Variants in AHCY observed in about 807,000 individuals in gnomAD.
AHCY encodes the protein S-adenosyl-L-homocysteine hydrolase.
Under a neutral mutation model 45.4 loss-of-function variants are expected in AHCY, and 24 were observed. The observed-to-expected ratio is 0.53, with a 90% CI of 0.38 to 0.74. The LOEUF (loss-of-function observed/expected upper bound fraction) is 0.74, where lower values mean the gene tolerates loss of function less well. AHCY is among the 30% of genes least tolerant of loss of function. The probability of loss-of-function intolerance (pLI) is 0.00; values close to 1 mark genes in which losing one functional copy is unlikely to be tolerated. For synonymous variants in AHCY, 245 were observed against 235.1 expected, an observed-to-expected ratio of 1.04 and a Z score of -0.39; for missense variants, 449 against 594.1, an observed-to-expected ratio of 0.76 and a Z score of 2.54.
chr20:34,308,201 A>G (rs2122850826), upstream of AHCY, among the ~76,000 whole-genome samples: 1 of 152,266 alleles, frequency 6.6e-6, no homozygotes, highest in Non-Finnish European at 1.5e-5. Flanking sequence ...GTCTACCATT[A>G]ATGGGAATTT....
the AHCY span, among the ~76,000 whole-genome samples, chr20:34,261,734 C>T: frequency 1.3e-5 from 2 of 150,890 alleles, no homozygotes; most frequent in East Asian, 3.9e-4. Flanking sequence ...CCCAGGAGGT[C>T]GACGCTGCAG....
the AHCY span, among the ~76,000 whole-genome samples, chr20:34,253,763 C>T: frequency 6.6e-6 from 1 of 151,968 alleles, no homozygotes; most frequent in East Asian, 1.9e-4. Context: ...GAGTGCCGGG[C>T]CCTTAAAACT....
intron 2 of AHCY, 153 bp downstream of exon 2, chr20:34,295,242 G>T: frequency 1.1e-6 from 1 of 936,308 alleles, no homozygotes; most frequent in Non-Finnish European, 1.7e-6. Context: ...GGCAGCACTG[G>T]GAAACGGAGG....
chr20:34,254,330 T>C, the AHCY span, among the ~76,000 whole-genome samples: 1 of 152,254 alleles, frequency 6.6e-6, no homozygotes. Flanking sequence ...CCCAAAGTGC[T>C]GGGATTATAG....
chr20:34,292,618 C>A, intron 3 of AHCY, 111 bp from the exon 4 acceptor site: 2 of 1,476,714 alleles, frequency 1.4e-6, no homozygotes, highest in East Asian at 2.3e-5. Context: ...TCCCCAGCCA[C>A]CTCCGGCCCC....
intron 8 of AHCY, among the ~76,000 whole-genome samples, chr20:34,288,780 T>C (rs528152873): frequency 6.6e-6 from 1 of 152,348 alleles, no homozygotes; most frequent in South Asian, 2.1e-4. Flanking sequence ...TTAAAGCTCT[T>C]GATATCCAAA....
At chr20:34,277,206 G>A (rs2035916211), downstream of AHCY, among the ~76,000 whole-genome samples, 1 of 152,102 alleles carries the variant, frequency 6.6e-6, no homozygotes. Flanking sequence ...ACACAGAGGT[G>A]GGCATGGGGC....
the AHCY span, among the ~76,000 whole-genome samples, chr20:34,248,765 C>T: frequency 6.6e-6 from 1 of 151,698 alleles, no homozygotes; most frequent in Admixed American, 6.6e-5. Flanking sequence ...TTGCCATTGC[C>T]TTCCAGCCTG....
chr20:34,282,136 T>C (rs907894932), intron 9 of AHCY, among the ~76,000 whole-genome samples: 2 of 150,674 alleles, frequency 1.3e-5, no homozygotes, highest in African/African-American at 2.4e-5. Context: ...TTCTAATGAA[T>C]AGAAGAAAGC....
At chr20:34,270,901 T>G in the AHCY span, among the ~76,000 whole-genome samples, 1 of 151,968 alleles carries the variant, frequency 6.6e-6, no homozygotes, top group African/African-American at 2.4e-5. Flanking sequence ...CAAGCAATCC[T>G]CCTGCCTCAA....
the AHCY span, among the ~76,000 whole-genome samples, chr20:34,265,763 A>G: frequency 6.6e-6 from 1 of 151,764 alleles, no homozygotes; most frequent in Non-Finnish European, 1.5e-5. Context: ...CAGTCTGACC[A>G]ACATGGTGAA....
chr20:34,285,930 C>A (rs1174620799), intron 8 of AHCY: 2 of 379,092 alleles, frequency 5.3e-6, no homozygotes, highest in East Asian at 1.2e-4. Context: ...GAAAGCCCGT[C>A]TCTACTAAAA....
chr20:34,250,677 A>G, the AHCY span, among the ~76,000 whole-genome samples: 1 of 152,092 alleles, frequency 6.6e-6, no homozygotes, highest in Non-Finnish European at 1.5e-5. Context: ...CATGCCTGTA[A>G]TCCCAGCTAC....
chr20:34,263,380 C>T, the AHCY span, among the ~76,000 whole-genome samples: 2 of 152,128 alleles, frequency 1.3e-5, no homozygotes, highest in African/African-American at 2.4e-5. Context: ...GCCTGGCCAA[C>T]ATGGTGAAAC....
chr20:34,279,134 G>T (rs1162425545), downstream of AHCY, among the ~76,000 whole-genome samples: 1 of 128,204 alleles, frequency 7.8e-6, no homozygotes, highest in African/African-American at 2.9e-5. Context: ...AAAAAAAAAG[G>T]CCAGGCACGG....
At chr20:34,232,204 T>G in the AHCY span, among the ~76,000 whole-genome samples, 3 of 152,200 alleles carry the variant, frequency 2.0e-5, no homozygotes, top group South Asian at 6.2e-4. Context: ...AGATATTACT[T>G]CACAGCTCAA....
At chr20:34,255,863 C>T in the AHCY span, among the ~76,000 whole-genome samples, 1 of 152,106 alleles carries the variant, frequency 6.6e-6, no homozygotes, top group African/African-American at 2.4e-5. Context: ...GGGAAGGCAC[C>T]GGTTACTTAG....
chr20:34,296,189 T>G (rs569183923), intron 1 of AHCY, among the ~76,000 whole-genome samples: 2 of 152,232 alleles, frequency 1.3e-5, no homozygotes, highest in Admixed American at 1.3e-4. Context: ...CCAGTAAAAC[T>G]GAGAGGAAAA....
chr20:34,287,822 A>AGGG (rs1183105886), intron 8 of AHCY, among the ~76,000 whole-genome samples: 1 of 152,186 alleles, frequency 6.6e-6, no homozygotes, highest in Non-Finnish European at 1.5e-5. Flanking sequence ...GGGAGTGGTC[A>AGGG]ATTATGGCCT....
Sources: gnomAD v4.1 joint callset for allele counts (sites outside exome capture counted in the v4.1 genomes callset) on GRCh38, gnomAD v4.1.1 for gene constraint, MANE v1.5 for transcripts, NCBI Gene and HGNC (gene_info 2026-07-23, HGNC 2026-07-21) for gene names.